GRM5: variants seen among roughly 807,000 people sequenced by gnomAD.
GRM5 encodes glutamate metabotropic receptor 5.
Under a neutral mutation model 83.1 loss-of-function variants are expected in GRM5, and 19 were observed. The ratio of observed to expected loss-of-function variants is 0.23; its 90% CI spans 0.16 to 0.34. The LOEUF (loss-of-function observed/expected upper bound fraction) is 0.34. Ranked by LOEUF, GRM5 falls within the 10% of genes least tolerant of loss-of-function variation. The pLI is 1.00. For missense variants in GRM5, 1,160 were observed against 1,588.3 expected (o/e 0.73, Z 4.58); for synonymous variants, 675 against 633.6 (o/e 1.07, Z -0.98).
At chr11:88,546,127 G>T (rs1415266208) in intron 8 of GRM5, among the ~76,000 whole-genome samples, 1 of 151,736 alleles carries the variant, frequency 6.6e-6, no homozygotes, top group Non-Finnish European at 1.5e-5. Context: ...TTATTTTCTC[G>T]CTTCATTCTT....
intron 2 of GRM5, among the ~76,000 whole-genome samples, chr11:88,923,917 C>A (rs1945737974): frequency 6.7e-6 from 1 of 149,690 alleles, no homozygotes. Flanking sequence ...AATATATATA[C>A]CTACTATATA....
intron 3 of GRM5, among the ~76,000 whole-genome samples, chr11:88,740,874 A>C (rs1052373898): frequency 6.6e-6 from 1 of 152,070 alleles, no homozygotes; most frequent in African/African-American, 2.4e-5. Flanking sequence ...GAGGAAGATT[A>C]TCTAGCCACA....
chr11:88,952,335 C>A (rs1198022560), intron 2 of GRM5, among the ~76,000 whole-genome samples: 2 of 152,206 alleles, frequency 1.3e-5, no homozygotes, highest in East Asian at 1.9e-4. Flanking sequence ...GAACTTCCAA[C>A]TGTTACTCAG....
intron 2 of GRM5, among the ~76,000 whole-genome samples, chr11:89,009,501 C>T (rs1450915668): frequency 6.6e-6 from 1 of 151,958 alleles, no homozygotes; most frequent in Non-Finnish European, 1.5e-5. Flanking sequence ...ACATATTGGC[C>T]ATTATATTCA....
intron 3 of GRM5, among the ~76,000 whole-genome samples, chr11:88,714,799 G>T (rs2135388067): frequency 6.6e-6 from 1 of 152,004 alleles, no homozygotes; most frequent in South Asian, 2.1e-4. Flanking sequence ...CAAACTGCTA[G>T]TTCTTCCTGA....
intron 2 of GRM5, among the ~76,000 whole-genome samples, chr11:88,880,138 T>C (rs1438140109): frequency 6.6e-6 from 1 of 151,846 alleles, no homozygotes; most frequent in Admixed American, 6.6e-5. Flanking sequence ...AGGCATGAAA[T>C]AGACAGCATG....
intron 7 of GRM5, among the ~76,000 whole-genome samples, chr11:88,574,152 T>C (rs1438892670): frequency 1.3e-5 from 2 of 152,186 alleles, no homozygotes; most frequent in Admixed American, 6.5e-5. Flanking sequence ...TTTGTCTCTT[T>C]TGCACACAAA....
intron 1 of GRM5, among the ~76,000 whole-genome samples, chr11:89,055,493 A>G (rs1163088771): frequency 6.6e-6 from 1 of 152,030 alleles, no homozygotes. Context: ...TTTAAGGAAA[A>G]TAGCATCACA....
intron 2 of GRM5, among the ~76,000 whole-genome samples, chr11:88,858,671 G>A (rs1024895831): frequency 6.6e-6 from 1 of 152,030 alleles, no homozygotes; most frequent in Non-Finnish European, 1.5e-5. Context: ...GGAATCGAAA[G>A]TTGATTCTCA....
chr11:88,653,358 T>C lies in GRM5; in HGVS notation c.957A>G (p.Arg319=). ...DRYDVTDGYQ[R]EAVGGITIKL... The stretch of plus-strand genomic sequence containing the variant: ...TGATTGTGATGCCACCAACAGCTTC[T>C]CGCTGATATCCATCTGTCACATCAT... The change falls in exon 4 of 10, where the codon CGA becomes CGG. Residue 319 remains arginine (R), a synonymous_variant. Transcript: ENST00000305447. 1 of 1,613,012 alleles carries C rather than the reference T, an allele frequency of 6.2e-7. No homozygotes were observed. The highest frequency in any genetic ancestry group is 8.5e-7 in the Non-Finnish European group (1 of 1,179,294).
At chr11:88,906,227 G>A (rs1226959738) in intron 2 of GRM5, among the ~76,000 whole-genome samples, 1 of 152,036 alleles carries the variant, frequency 6.6e-6, no homozygotes, top group Non-Finnish European at 1.5e-5. Flanking sequence ...CTGTCACTGG[G>A]GAGTTTTCAG....
rs557403582 is a variant in GRM5, at chr11:88,811,053, C to T, written c.911+38853G>A. 3.3e-5 allele frequency among the ~76,000 whole-genome samples: 5 copies of T among 152,204 alleles called. No individual in the cohort carries two copies. The South Asian group carries it at 1.0e-3, about 32-fold the overall frequency. On this transcript the variant is annotated intron_variant, in intron 3 of 9. Transcript: ENST00000305447. ...CAAAGATTATCTCAGCTCTAATATT[C>T]TAAGTTCCCTCCTATGGAAAAGCCA...
chr11:88,764,474 A>G (rs1942588861), intron 3 of GRM5, among the ~76,000 whole-genome samples: 1 of 151,704 alleles, frequency 6.6e-6, no homozygotes, highest in Non-Finnish European at 1.5e-5. Flanking sequence ...AAGTCTCAAT[A>G]GATTTTTTTA....
chr11:88,653,089 C>A (rs1476025130), intron 4 of GRM5, 79 bp downstream of exon 4: 8 of 843,326 alleles, frequency 9.5e-6, no homozygotes, highest in Non-Finnish European at 1.6e-5. Flanking sequence ...CATATTACAG[C>A]CACTATCCCC....
chr11:88,634,265 A>G (rs1939058638), intron 4 of GRM5, among the ~76,000 whole-genome samples: 2 of 152,196 alleles, frequency 1.3e-5, no homozygotes, highest in Admixed American at 6.5e-5. Context: ...CCCTTAGGCT[A>G]CACTAAATTT....
At chr11:88,569,528 G>C (rs1393050631) in intron 7 of GRM5, among the ~76,000 whole-genome samples, 1 of 152,228 alleles carries the variant, frequency 6.6e-6, no homozygotes, top group African/African-American at 2.4e-5. Flanking sequence ...CATGTACACA[G>C]AGGATTCCTG....
At chr11:88,596,987 C>A (rs2135218826) in intron 6 of GRM5, among the ~76,000 whole-genome samples, 197 bp downstream of exon 6, 1 of 152,204 alleles carries the variant, frequency 6.6e-6, no homozygotes, top group South Asian at 2.1e-4. Flanking sequence ...GACTCATCAA[C>A]TGGTTCAATC....
intron 3 of GRM5, among the ~76,000 whole-genome samples, chr11:88,801,312 T>C (rs1356433351): frequency 6.6e-6 from 1 of 152,168 alleles, no homozygotes; most frequent in Non-Finnish European, 1.5e-5. Flanking sequence ...TCACTGAAGC[T>C]ATAAATTACT....
At chr11:89,010,148 T>A (rs1940656807) in intron 2 of GRM5, among the ~76,000 whole-genome samples, 1 of 151,682 alleles carries the variant, frequency 6.6e-6, no homozygotes, top group East Asian at 1.9e-4. Flanking sequence ...GATTATTAAA[T>A]GTAAATTTTC....
Sources: allele counts gnomAD v4.1 joint callset (sites outside exome capture counted in the v4.1 genomes callset), GRCh38; gene constraint gnomAD v4.1.1; transcripts MANE v1.5; gene names NCBI Gene and HGNC (gene_info 2026-07-23, HGNC 2026-07-21).